ARHGAP15: variants seen among roughly 807,000 people sequenced by gnomAD.
The protein encoded by ARHGAP15 is Rho GTPase activating protein 15.
ARHGAP15 carries 51 observed loss-of-function variants against 63.7 expected under a neutral mutation model. The ratio of observed to expected loss-of-function variants is 0.80; its 90% CI spans 0.64 to 1.01. The LOEUF (loss-of-function observed/expected upper bound fraction) is 1.01, where lower values mean the gene tolerates loss of function less well. ARHGAP15 is among the 50% of genes least tolerant of loss of function. ARHGAP15 has a pLI of 0.00. For missense variants in ARHGAP15, 560 were observed against 564.6 expected, an observed-to-expected ratio of 0.99 and a Z score of 0.08; for synonymous variants, 191 against 193.8, an observed-to-expected ratio of 0.99 and a Z score of 0.12.
At chr2:143,454,154 G>C (rs748843991) in intron 8 of ARHGAP15, among the ~76,000 whole-genome samples, 5 of 151,960 alleles carry the variant, frequency 3.3e-5, no homozygotes, top group African/African-American at 4.8e-5. Flanking sequence ...CTGAGGACTC[G>C]TATCTGTAGT....
At chr2:143,438,513 T>G (rs1689718387) in intron 8 of ARHGAP15, among the ~76,000 whole-genome samples, 2 of 152,198 alleles carry the variant, frequency 1.3e-5, no homozygotes, top group South Asian at 4.1e-4. Flanking sequence ...TAAGTCTTTA[T>G]GCAAAATCCC....
intron 8 of ARHGAP15, among the ~76,000 whole-genome samples, chr2:143,455,812 T>C (rs1312589986): frequency 1.3e-5 from 2 of 152,020 alleles, no homozygotes; most frequent in Non-Finnish European, 2.9e-5. Flanking sequence ...CACCAAAGTG[T>C]TTAAAAGGAA....
chr2:143,755,514 C>T (rs1419733793), intron 13 of ARHGAP15, among the ~76,000 whole-genome samples: 5 of 152,138 alleles, frequency 3.3e-5, no homozygotes, highest in Admixed American at 3.3e-4. Context: ...TTCTTTCTTT[C>T]ACATCATGGC....
chr2:143,353,099 C>G (rs1051293562), intron 6 of ARHGAP15, among the ~76,000 whole-genome samples: 1 of 151,782 alleles, frequency 6.6e-6, no homozygotes, highest in Non-Finnish European at 1.5e-5. Flanking sequence ...ATGTGTAATA[C>G]ATTTTAAAAA....
intron 8 of ARHGAP15, among the ~76,000 whole-genome samples, chr2:143,440,047 T>C (rs754701618): frequency 6.6e-6 from 1 of 152,102 alleles, no homozygotes; most frequent in Non-Finnish European, 1.5e-5. Context: ...AAGCCTTTTT[T>C]TTTAGGGCCA....
chr2:143,311,143 C>T (rs1328082706), intron 6 of ARHGAP15, among the ~76,000 whole-genome samples: 3 of 151,942 alleles, frequency 2.0e-5, no homozygotes, highest in Non-Finnish European at 2.9e-5. Flanking sequence ...TTTTTCTACT[C>T]AAATGTTGGA....
chr2:143,370,802 A>G lies in ARHGAP15; in HGVS notation c.475-64799A>G, dbSNP rs1340792050. On this transcript the variant is annotated intron_variant, in intron 6 of 13. Coordinates refer to ENST00000295095, the MANE Select transcript of ARHGAP15 (RefSeq NM_018460.4). ...GTGGTGATGTGTGGTATTTGAGACA[A>G]GCACACTTCCTTTCATTTACTTCTT... Among the ~76,000 whole-genome samples the G allele has an allele frequency of 4.6e-5, 7 of 152,224 alleles. No homozygotes were observed. The East Asian group carries it at 1.3e-3, about 29-fold the overall frequency.
At chr2:143,720,455 C>T (rs1002200817) in intron 13 of ARHGAP15, among the ~76,000 whole-genome samples, 2 of 152,172 alleles carry the variant, frequency 1.3e-5, no homozygotes, top group Non-Finnish European at 2.9e-5. Flanking sequence ...CCTCTCGCAA[C>T]CGAGACTCCA....
rs183740687 is a variant in ARHGAP15, at chr2:143,633,094, C to T, written c.1138+8827C>T. On this transcript the variant is annotated intron_variant, in intron 12 of 13. Coordinates refer to ENST00000295095, the MANE Select transcript of ARHGAP15 (RefSeq NM_018460.4). ...ATTTCAAGGAAATTTGAAATTGAAA[C>T]AAAGGTAAATTTTACAAAGCCTGTT... is the stretch of plus-strand genomic sequence containing the variant. 5.3e-4 allele frequency among the ~76,000 whole-genome samples: 81 copies of T among 152,116 alleles called. 1 individual carries two copies. Among genetic ancestry groups the T allele is most frequent in the Admixed American group, 1.0e-3 (16 of 15,268 alleles).
chr2:143,715,568 C>A (rs1201090071), intron 13 of ARHGAP15, among the ~76,000 whole-genome samples: 2 of 152,068 alleles, frequency 1.3e-5, no homozygotes, highest in Non-Finnish European at 2.9e-5. Context: ...TTTAATGGGG[C>A]TGTTTGTTTT....
At chr2:143,482,804 T>C (rs966429782) in intron 8 of ARHGAP15, among the ~76,000 whole-genome samples, 1 of 152,362 alleles carries the variant, frequency 6.6e-6, no homozygotes, top group Non-Finnish European at 1.5e-5. Flanking sequence ...TATAGTGCTT[T>C]CAAGTTATTT....
chr2:143,654,806 A>C (rs1344067718), intron 12 of ARHGAP15, among the ~76,000 whole-genome samples: 2 of 152,188 alleles, frequency 1.3e-5, no homozygotes, highest in Admixed American at 1.3e-4. Context: ...AATATATGGA[A>C]ATTAATTATA....
At position 143,131,684 on chromosome 2, in the gene ARHGAP15, A is replaced by T. The variant is rs187646002; in HGVS notation, c.-15+2218A>T. The stretch of plus-strand genomic sequence containing the variant: ...AATCTAATAAAAATAATCCACGCTT[A>T]TAGGAGAAGGCTACAGAGCTTTGAC... On this transcript the variant is annotated intron_variant, in intron 1 of 13. Coordinates refer to ENST00000295095, the MANE Select transcript of ARHGAP15 (RefSeq NM_018460.4). 2.3e-3 allele frequency among the ~76,000 whole-genome samples: 351 copies of T among 152,094 alleles called. 1 individual carries two copies. The highest frequency in any genetic ancestry group is 7.7e-3 in the African/African-American group (319 of 41,350).
intron 6 of ARHGAP15, among the ~76,000 whole-genome samples, chr2:143,341,549 G>C (rs893517892): frequency 6.6e-6 from 1 of 151,906 alleles, no homozygotes; most frequent in African/African-American, 2.4e-5. Context: ...TTTCCTTTTC[G>C]GTTTTGGTTA....
chr2:143,324,257 AT>A (rs901017120), intron 6 of ARHGAP15, among the ~76,000 whole-genome samples: 1 of 151,930 alleles, frequency 6.6e-6, no homozygotes, highest in Admixed American at 6.6e-5. Flanking sequence ...TAAGGTTAAT[AT>A]TTTTTTTACA....
intron 12 of ARHGAP15, among the ~76,000 whole-genome samples, chr2:143,687,979 T>C (rs1683424822): frequency 6.6e-6 from 1 of 152,142 alleles, no homozygotes; most frequent in African/African-American, 2.4e-5. Flanking sequence ...GATTAAAAAA[T>C]AATAAATATT....
chr2:143,569,171 C>CA (rs34628456), intron 11 of ARHGAP15, among the ~76,000 whole-genome samples: 42,579 of 150,290 alleles, frequency 0.28, 6,673 homozygotes, highest in East Asian at 0.42. Flanking sequence ...ATAATTTAAA[C>CA]AAAAAAAAAG....
At chr2:143,628,958 T>C (rs1044224366) in intron 12 of ARHGAP15, among the ~76,000 whole-genome samples, 2 of 152,140 alleles carry the variant, frequency 1.3e-5, no homozygotes, top group Non-Finnish European at 2.9e-5. Flanking sequence ...TTGGGAGATC[T>C]GTTACTCTTT....
chr2:143,422,810 C>T (rs1394078668), intron 6 of ARHGAP15, among the ~76,000 whole-genome samples: 8 of 152,028 alleles, frequency 5.3e-5, no homozygotes, highest in African/African-American at 1.9e-4. Flanking sequence ...CAAAAGGACA[C>T]TACCAGCCGA....
Sources: allele counts gnomAD v4.1 joint callset (sites outside exome capture counted in the v4.1 genomes callset), GRCh38; gene constraint gnomAD v4.1.1; transcripts MANE v1.5; gene names NCBI Gene and HGNC (gene_info 2026-07-23, HGNC 2026-07-21).